CHTOP: variants seen among roughly 807,000 people sequenced by gnomAD.
CHTOP encodes chromatin target of PRMT1, also known as chromatin target of PRMT1 protein.
In CHTOP, 18 loss-of-function variants were observed where a neutral mutation model predicts 33.6. The observed-to-expected ratio is 0.54, with a 90% CI of 0.37 to 0.80. CHTOP has a LOEUF of 0.80. CHTOP is among the 30% of genes least tolerant of loss of function. The pLI, the probability that CHTOP is intolerant of heterozygous loss-of-function variation, is 0.00. For missense variants in CHTOP, 263 were observed against 336.8 expected (o/e 0.78, Z 1.71); for synonymous variants, 117 against 127.7 (o/e 0.92, Z 0.56).
chr1:153,639,087 T>C (rs4845558), intron 3 of CHTOP, among the ~76,000 whole-genome samples: 86,470 of 151,958 alleles, frequency 0.57, 24,975 homozygotes, highest in East Asian at 0.7. Flanking sequence ...TTCACCATAC[T>C]AGCCAGGATG....
intron 2 of CHTOP, chr1:153,637,958 C>T: frequency 3.7e-6 from 1 of 266,810 alleles, no homozygotes; most frequent in South Asian, 4.4e-5. Context: ...AAGGTTTAGG[C>T]TTTCTTCATT....
rs1282692778 is a variant in CHTOP at position 153,646,097 on chromosome 1, ACTG to A, written c.*832_*834del. Reference sequence around the variant, plus strand: ...CAGAAGGGAGAATGATGGCAGACGAACTGCTGGAAGAGGTCAGAAGATAGCCAT... The same window carrying A: ...CAGAAGGGAGAATGATGGCAGACGAACTGGAAGAGGTCAGAAGATAGCCAT... On this transcript the variant is annotated 3_prime_UTR_variant, in exon 6 of 6. Coordinates refer to ENST00000368694, the MANE Select transcript of CHTOP (RefSeq NM_015607.4). The A allele has an allele frequency of 6.6e-6, 1 of 152,260 alleles. No individual in the cohort carries two copies. Among genetic ancestry groups the A allele is most frequent in the Non-Finnish European group, 1.5e-5 (1 of 68,062 alleles). The allele number at this position is 152,260 out of a possible 1,614,324, so 9.4% of individuals were successfully genotyped here.
intron 1 of CHTOP, among the ~76,000 whole-genome samples, chr1:153,635,398 C>T (rs370916096): frequency 5.9e-5 from 9 of 151,872 alleles, no homozygotes; most frequent in East Asian, 1.9e-4. Context: ...GCATTCCTCC[C>T]GCCTTGGCCT....
At chr1:153,640,365 C>G (rs1282297282) in intron 3 of CHTOP, among the ~76,000 whole-genome samples, 1 of 151,110 alleles carries the variant, frequency 6.6e-6, no homozygotes, top group East Asian at 1.9e-4. Context: ...CCCAGCTACT[C>G]AAGAGGCTAA....
At chr1:153,643,175 C>T in intron 4 of CHTOP, 52 bp from the exon 5 acceptor site, 1 of 1,609,620 alleles carries the variant, frequency 6.2e-7, no homozygotes, top group Non-Finnish European at 8.5e-7. Flanking sequence ...TTAGAATCTA[C>T]TTTGTGTCTC....
intron 4 of CHTOP, 29 bp downstream of exon 4, chr1:153,642,458 G>A (rs749862039): frequency 7.1e-6 from 11 of 1,557,618 alleles, no homozygotes; most frequent in African/African-American, 5.5e-5. Context: ...GATAATTGTC[G>A]GGCCCTACTC....
chr1:153,636,585 G>C lies in CHTOP; in HGVS notation c.-4G>C. On this transcript the variant is annotated 5_prime_UTR_variant, in exon 2 of 6. Coordinates refer to ENST00000368694, the MANE Select transcript of CHTOP (RefSeq NM_015607.4). Reference sequence around the variant, plus strand: ...TGTTCTTTGTAGATTCTCGGGATTCGAAGATGGCTGCACAGTCAGCGCCGA... The same window carrying C: ...TGTTCTTTGTAGATTCTCGGGATTCCAAGATGGCTGCACAGTCAGCGCCGA... The C allele has an allele frequency of 6.2e-7, 1 of 1,611,414 alleles. No individual in the cohort carries two copies. The highest frequency in any genetic ancestry group is 1.3e-5 in the African/African-American group (1 of 74,902).
intron 1 of CHTOP, among the ~76,000 whole-genome samples, chr1:153,635,492 A>C (rs1044391772): frequency 1.3e-5 from 2 of 150,984 alleles, no homozygotes; most frequent in Non-Finnish European, 3.0e-5. Context: ...GATAAGTCAT[A>C]TGTAGTCAAG....
chr1:153,637,837 T>G (rs1234884815), intron 2 of CHTOP: 1 of 158,308 alleles, frequency 6.3e-6, no homozygotes, highest in Non-Finnish European at 1.4e-5. Flanking sequence ...GACATATATT[T>G]TAAAATGTGA....
At position 153,645,462 on chromosome 1, in the gene CHTOP, T is replaced by C; in HGVS notation, c.*193T>C. 1 of 441,354 alleles carries C rather than the reference T, an allele frequency of 2.3e-6. No homozygotes were observed. The highest frequency in any genetic ancestry group is 4.0e-6 in the Non-Finnish European group (1 of 251,666). 27.3% of individuals were successfully genotyped at this position (441,354 alleles called of 1,614,324 possible). A position where few individuals can be genotyped will look rare whatever the true frequency, so the allele number is the denominator to read the frequency against. ...GATACTGTGTTGTATGAAACCCTTT[T>C]GTCCTTTGATTTGGTTTTTTGTTTT... On this transcript the variant is annotated 3_prime_UTR_variant, in exon 6 of 6. Coordinates refer to ENST00000368694, the MANE Select transcript of CHTOP (RefSeq NM_015607.4).
At chr1:153,639,491 C>T in intron 3 of CHTOP, 4 of 671,878 alleles carry the variant, frequency 6.0e-6, no homozygotes, top group Non-Finnish European at 7.4e-6. Flanking sequence ...TGCATAAATT[C>T]AGCAGTTAAA....
intron 3 of CHTOP, among the ~76,000 whole-genome samples, chr1:153,639,160 C>T (rs1312079845): frequency 6.6e-6 from 1 of 152,192 alleles, no homozygotes; most frequent in Non-Finnish European, 1.5e-5. Context: ...GGATTACAGG[C>T]TTGAGCCACC....
Position 153,635,400 on chromosome 1 carries a change from C to T in CHTOP, c.-18+1057C>T, listed in dbSNP as rs11486163. 9.0e-3 allele frequency among the ~76,000 whole-genome samples: 1,366 copies of T among 152,094 alleles called. 23 individuals carry two copies. Among genetic ancestry groups the T allele is most frequent in the African/African-American group, 0.029 (1,206 of 41,518 alleles). On this transcript the variant is annotated intron_variant, in intron 1 of 5. Transcript: ENST00000368694. ...CTCCAGGGCTCAAGCATTCCTCCCG[C>T]CTTGGCCTCCCAAAGTGCTGAGATT...
At chr1:153,644,511 A>G (rs989881207) in intron 5 of CHTOP, 5 of 153,142 alleles carry the variant, frequency 3.3e-5, no homozygotes, top group Non-Finnish European at 5.8e-5. Flanking sequence ...TCTCCCCTAC[A>G]TTGTTCCTGT....
At chr1:153,643,661 TTTTGCCTTTCTCTGCCC>T in intron 5 of CHTOP, 1 of 215,476 alleles carries the variant, frequency 4.6e-6, no homozygotes, top group Admixed American at 5.3e-5. Flanking sequence ...CAGTTTAGGG[TTTTGCCTTTCTCTGCCC>T]CTGTCCCACC....
rs1668773867 is a variant in CHTOP, at chr1:153,645,296, T to A, written c.*27T>A. 7.5e-6 allele frequency: 12 copies of A among 1,607,198 alleles called. No individual in the cohort carries two copies. Among genetic ancestry groups the A allele is most frequent in the Non-Finnish European group, 1.0e-5 (12 of 1,174,562 alleles). ...GCCTGCCCATCCTCCCATGAGAGAC[T>A]CTTGTTAGTCAACACATCTGTAAAT... On this transcript the variant is annotated 3_prime_UTR_variant, in exon 6 of 6. Transcript: ENST00000368694.
At chr1:153,636,827 A>T (rs1668424621) in intron 2 of CHTOP, 174 bp downstream of exon 2, 1 of 579,888 alleles carries the variant, frequency 1.7e-6, no homozygotes, top group African/African-American at 1.9e-5. Flanking sequence ...TTGTTTCAAA[A>T]CCCCTTATCA....
At chr1:153,642,462 C>A in intron 4 of CHTOP, 33 bp downstream of exon 4, 3 of 1,537,880 alleles carry the variant, frequency 2.0e-6, no homozygotes, top group Non-Finnish European at 2.6e-6. Context: ...ATTGTCGGGC[C>A]CTACTCCCTT....
Position 153,645,127 on chromosome 1 carries a change from G to C in CHTOP, c.605G>C (p.Gly202Ala), listed in dbSNP as rs148930480. The C allele has an allele frequency of 8.2e-5, 133 of 1,614,110 alleles. 1 individual carries two copies. In the African/African-American group the frequency reaches 1.6e-3, roughly 19 times the overall value. Reference protein sequence around the residue: ...FGGRGRGRGRGRGALARPVLT... With the variant: ...FGGRGRGRGRARGALARPVLT... ...GGCCGAGGCCGAGGCCGTGGACGAG[G>C]GAGAGGTGCCCTTGCTCGCCCTGTA... The change falls in exon 6 of 6, where the codon GGG becomes GCG. Residue 202 changes from glycine (G) to alanine (A), a missense_variant. Physicochemically the swap from Gly to Ala is moderately conservative, Grantham distance 60. Coordinates refer to ENST00000368694, the MANE Select transcript of CHTOP (RefSeq NM_015607.4).
Sources: gnomAD v4.1 joint callset for allele counts (sites outside exome capture counted in the v4.1 genomes callset) on GRCh38, gnomAD v4.1.1 for gene constraint, MANE v1.5 for transcripts, NCBI Gene and HGNC (gene_info 2026-07-23, HGNC 2026-07-21) for gene names.